Variants in XRCC4 observed in about 807,000 individuals in gnomAD.
The protein encoded by XRCC4 is DNA repair protein XRCC4.
In XRCC4, 28 loss-of-function variants were observed where a neutral mutation model predicts 39.1. The observed-to-expected ratio is 0.72, with a 90% CI of 0.53 to 0.98. XRCC4 has a LOEUF of 0.98. Among genes scored for constraint, XRCC4 ranks in the 50% least tolerant of loss-of-function variants. The pLI is 0.00. For missense variants in XRCC4, 350 were observed against 376.4 expected (o/e 0.93, Z 0.58); for synonymous variants, 123 against 126.4 (o/e 0.97, Z 0.18).
rs781466536 is a variant in XRCC4, at chr5:83,079,723, CA to C, written c.-11+2109del. On this transcript the variant is annotated intron_variant, in intron 1 of 7. Coordinates refer to ENST00000396027, the MANE Select transcript of XRCC4 (RefSeq NM_003401.5). ...AATTTTATTTTATTTTTTGTAGAGA[CA>C]GGGCTCACTATGTTGCCTAGGCTGG... Among the ~76,000 whole-genome samples, 4 of 151,946 alleles carry C rather than the reference CA, an allele frequency of 2.6e-5. No homozygotes were observed. The South Asian group carries it at 6.2e-4, about 24-fold the overall frequency.
chr5:83,178,099 A>G (rs1051499719), intron 3 of XRCC4, among the ~76,000 whole-genome samples: 31 of 152,244 alleles, frequency 2.0e-4, no homozygotes, highest in Admixed American at 5.9e-4. Context: ...AAGAAGGAAA[A>G]GCAAAATCAA....
intron 3 of XRCC4, among the ~76,000 whole-genome samples, chr5:83,177,053 G>A (rs62374400): frequency 0.49 from 74,601 of 151,988 alleles, 19,255 homozygotes; most frequent in African/African-American, 0.63. Flanking sequence ...CATGAGACAC[G>A]TTTTAAATCA....
intron 3 of XRCC4, among the ~76,000 whole-genome samples, chr5:83,169,255 T>C (rs945837757): frequency 3.3e-5 from 5 of 152,218 alleles, no homozygotes; most frequent in Admixed American, 1.3e-4. Flanking sequence ...TTATATTTCC[T>C]TTTGAAATTA....
chr5:83,282,727 A>C (rs893218588), intron 7 of XRCC4, among the ~76,000 whole-genome samples: 1 of 152,206 alleles, frequency 6.6e-6, no homozygotes, highest in Non-Finnish European at 1.5e-5. Flanking sequence ...CTGTAGTCCC[A>C]ACTACTCGGG....
chr5:83,336,069 G>A (rs570739701), intron 7 of XRCC4, among the ~76,000 whole-genome samples: 1 of 151,966 alleles, frequency 6.6e-6, no homozygotes, highest in African/African-American at 2.4e-5. Context: ...AGGAAATATT[G>A]AACATCCTTT....
intron 6 of XRCC4, 143 bp from the exon 7 acceptor site, chr5:83,258,387 C>G: frequency 1.0e-6 from 1 of 989,896 alleles, no homozygotes; most frequent in East Asian, 2.8e-5. Context: ...TGACTTGATT[C>G]AACAAATCTG....
At chr5:83,370,930 T>G in the XRCC4 span, among the ~76,000 whole-genome samples, 1 of 152,182 alleles carries the variant, frequency 6.6e-6, no homozygotes, top group Admixed American at 6.6e-5. Context: ...TTCTTCATTC[T>G]TCTGCCTTCT....
intron 7 of XRCC4, among the ~76,000 whole-genome samples, chr5:83,271,837 C>T (rs1754155090): frequency 6.6e-6 from 1 of 152,146 alleles, no homozygotes; most frequent in South Asian, 2.1e-4. Context: ...TATCTCCTTT[C>T]CCTAGCTGTT....
chr5:83,308,749 A>G (rs963214403), intron 7 of XRCC4, among the ~76,000 whole-genome samples: 4 of 152,220 alleles, frequency 2.6e-5, no homozygotes, highest in African/African-American at 9.6e-5. Flanking sequence ...GTTTCAAACT[A>G]ACATTTACTC....
intron 7 of XRCC4, among the ~76,000 whole-genome samples, chr5:83,344,100 T>C (rs943970865): frequency 6.7e-6 from 1 of 150,222 alleles, no homozygotes. Context: ...GTATTATGTA[T>C]GTACATACAC....
At chr5:83,134,292 C>T (rs1209696391) in intron 3 of XRCC4, among the ~76,000 whole-genome samples, 2 of 151,988 alleles carry the variant, frequency 1.3e-5, no homozygotes, top group Non-Finnish European at 2.9e-5. Flanking sequence ...TGGGTGGGGA[C>T]TTGGAGAACT....
intron 4 of XRCC4, among the ~76,000 whole-genome samples, chr5:83,203,011 A>G (rs1751272329): frequency 1.3e-5 from 2 of 151,836 alleles, no homozygotes; most frequent in African/African-American, 2.4e-5. Context: ...TTCATTGGGT[A>G]TGTGTATTGC....
At position 83,187,168 on chromosome 5, in the gene XRCC4, C is replaced by G. The variant is rs953929099; in HGVS notation, c.316-8602C>G. 5.3e-3 allele frequency among the ~76,000 whole-genome samples: 256 copies of G among 48,356 alleles called. 56 individuals carry two copies. Among genetic ancestry groups the G allele is most frequent in the African/African-American group, 0.024 (250 of 10,448 alleles). The allele number at this position is 48,356 out of a possible 152,430, so 31.7% of individuals were successfully genotyped here. On this transcript the variant is annotated intron_variant, in intron 3 of 7. Transcript: ENST00000396027. The stretch of plus-strand genomic sequence containing the variant: ...CCGCGTTAGCCAGGATGGTCTCGAT[C>G]TCCTGACCTCATGATCCGCCCGCCT...
At chr5:83,183,948 T>A (rs1750319920) in intron 3 of XRCC4, among the ~76,000 whole-genome samples, 1 of 152,190 alleles carries the variant, frequency 6.6e-6, no homozygotes, top group South Asian at 2.1e-4. Flanking sequence ...TTTTATCTTG[T>A]CTCTAGGTAA....
At chr5:83,223,730 G>A (rs1173860832) in intron 6 of XRCC4, among the ~76,000 whole-genome samples, 5 of 151,822 alleles carry the variant, frequency 3.3e-5, no homozygotes, top group South Asian at 2.1e-4. Flanking sequence ...TGTGTACAAC[G>A]TACAGGTTTG....
At chr5:83,108,692 A>G (rs932707221) in intron 2 of XRCC4, among the ~76,000 whole-genome samples, 2 of 151,806 alleles carry the variant, frequency 1.3e-5, no homozygotes, top group Non-Finnish European at 1.5e-5. Flanking sequence ...AAGTTTTTCT[A>G]TGGCCGCATT....
At chr5:83,196,580 T>G (rs1289873858) in intron 4 of XRCC4, among the ~76,000 whole-genome samples, 1 of 151,916 alleles carries the variant, frequency 6.6e-6, no homozygotes, top group African/African-American at 2.4e-5. Flanking sequence ...CCTTTATTAT[T>G]CTATTAGTAT....
At chr5:83,146,391 G>A (rs1454367975) in intron 3 of XRCC4, among the ~76,000 whole-genome samples, 1 of 152,158 alleles carries the variant, frequency 6.6e-6, no homozygotes, top group Non-Finnish European at 1.5e-5. Context: ...TGGACAGTTT[G>A]TATGATCTCA....
intron 3 of XRCC4, among the ~76,000 whole-genome samples, chr5:83,175,740 C>G (rs906011308): frequency 6.6e-6 from 1 of 152,134 alleles, no homozygotes; most frequent in Non-Finnish European, 1.5e-5. Flanking sequence ...TCCTAAGTAG[C>G]TGGGACTACA....
Sources: allele counts gnomAD v4.1 joint callset (sites outside exome capture counted in the v4.1 genomes callset), GRCh38; gene constraint gnomAD v4.1.1; transcripts MANE v1.5; gene names NCBI Gene and HGNC (gene_info 2026-07-23, HGNC 2026-07-21).